Variants in GNPDA2 observed in about 807,000 individuals in gnomAD.
The protein encoded by GNPDA2 is glcN6P deaminase 2.
GNPDA2 carries 24 observed loss-of-function variants against 27.0 expected under a neutral mutation model. That is an observed-to-expected ratio of 0.89 (90% CI 0.64 to 1.25). The LOEUF (loss-of-function observed/expected upper bound fraction) is 1.25, where lower values mean the gene tolerates loss of function less well. Among genes scored for constraint, GNPDA2 ranks in the 50% most tolerant of loss-of-function variants. GNPDA2 has a pLI of 0.00. For missense variants in GNPDA2, 286 were observed against 335.1 expected (o/e 0.85, Z 1.14); for synonymous variants, 94 against 108.4 (o/e 0.87, Z 0.83).
intron 6 of GNPDA2, chr4:44,704,002 T>C: frequency 4.8e-5 from 47 of 985,130 alleles, no homozygotes; most frequent in Non-Finnish European, 5.7e-5. Context: ...TTGCAGGAAA[T>C]GGGATTACTG....
chr4:44,702,453 A>G lies in GNPDA2; in HGVS notation c.*628T>C, dbSNP rs1560354722. On this transcript the variant is annotated 3_prime_UTR_variant, in exon 7 of 7. Transcript: ENST00000295448. ...AATAAGATATTTGTAAAAAAGTGCT[A>G]TAGAAGAAGGTGCACAAAAAACATG... 3.1e-6 allele frequency: 3 copies of G among 977,052 alleles called. No individual in the cohort carries two copies. Among genetic ancestry groups the G allele is most frequent in the East Asian group, 2.3e-4 (2 of 8,768 alleles). 60.5% of individuals were successfully genotyped at this position (977,052 alleles called of 1,614,324 possible).
chr4:44,704,635 C>T (rs1474486846), intron 6 of GNPDA2: 1 of 861,704 alleles, frequency 1.2e-6, no homozygotes, highest in Non-Finnish European at 1.4e-6. Context: ...TGACAACTTT[C>T]TACATACGAA....
At chr4:44,706,328 G>A (rs1181318527) in intron 6 of GNPDA2, 1 of 151,770 alleles carries the variant, frequency 6.6e-6, no homozygotes, top group Non-Finnish European at 1.5e-5. Flanking sequence ...ATAAGGAAAT[G>A]TTTAAATAAA....
intron 6 of GNPDA2, chr4:44,703,825 T>A: frequency 1.0e-6 from 1 of 985,220 alleles, no homozygotes. Context: ...TTCCAGTTAC[T>A]CCTGTTTTAA....
intron 6 of GNPDA2, chr4:44,706,222 C>T (rs868007599): frequency 6.6e-6 from 1 of 151,734 alleles, no homozygotes; most frequent in South Asian, 2.1e-4. Flanking sequence ...AGAAATTTTT[C>T]AGTTTTTCAG....
rs1438281145 is a variant in GNPDA2, at chr4:44,717,286, C to A, written c.236G>T (p.Arg79Ile). ...AGAATGGTAGCTTTCAGGATGATTT[C>A]TTGGAAGTCCTAAAGATGAAGTTAA... ...FNMDEYVGLPRNHPESYHSYM... is the reference protein window; with the variant it reads ...FNMDEYVGLPINHPESYHSYM... Residue 79 changes from arginine (R) to isoleucine (I), a missense_variant, in exon 4 of 7, where the codon AGA becomes ATA. Coordinates refer to ENST00000295448, the MANE Select transcript of GNPDA2 (RefSeq NM_138335.3). 2.7e-6 allele frequency: 4 copies of A among 1,468,980 alleles called. No homozygotes were observed. The highest frequency in any genetic ancestry group is 3.7e-6 in the Non-Finnish European group (4 of 1,085,800). 91.0% of individuals were successfully genotyped at this position (1,468,980 alleles called of 1,614,324 possible).
chr4:44,704,189 G>T (rs1716444961), intron 6 of GNPDA2: 1 of 984,586 alleles, frequency 1.0e-6, no homozygotes, highest in Admixed American at 6.2e-5. Flanking sequence ...CTCTAAAGGA[G>T]GGAAGGGGGA....
chr4:44,708,329 A>G (rs1547525), intron 5 of GNPDA2, among the ~76,000 whole-genome samples: 79,935 of 151,962 alleles, frequency 0.53, 22,448 homozygotes, highest in Non-Finnish European at 0.64. Context: ...TAGATAAGCA[A>G]AAGATACTAT....
chr4:44,716,934 G>A (rs1424530503), intron 4 of GNPDA2, among the ~76,000 whole-genome samples, 179 bp downstream of exon 4: 2 of 151,718 alleles, frequency 1.3e-5, no homozygotes, highest in African/African-American at 4.8e-5. Flanking sequence ...GATTAAGACG[G>A]GAATTTTAAG....
chr4:44,701,852 TA>T lies in GNPDA2; in HGVS notation c.*1228del. 1.0e-6 allele frequency: 1 copy of T among 983,542 alleles called. No individual in the cohort carries two copies. The allele number at this position is 983,542 out of a possible 1,614,324, so 60.9% of individuals were successfully genotyped here. ...TTACCCCATCCCCCACTTTTAACCA[TA>T]AAACCCTATTACCAATTTTATTTCA... On this transcript the variant is annotated 3_prime_UTR_variant, in exon 7 of 7. Coordinates refer to ENST00000295448, the MANE Select transcript of GNPDA2 (RefSeq NM_138335.3).
Position 44,722,161 on chromosome 4 carries a change from G to T in GNPDA2, c.47C>A (p.Ala16Glu). Residue 16 changes from alanine to glutamate, a missense_variant, in exon 2 of 7, where the codon GCA (alanine) becomes GAA (glutamate). By Grantham distance (107) the Ala-to-Glu change is moderately radical. Coordinates refer to ENST00000295448, the MANE Select transcript of GNPDA2 (RefSeq NM_138335.3). ...LDNYDLASEW[A>E]AKYICNRIIQ... ...GATGCGATTACAGATGTATTTGGCT[G>T]CCCATTCACTAGCCAAGTCATAGTT... The T allele has an allele frequency of 6.2e-7, 1 of 1,612,194 alleles. No homozygotes were observed. The highest frequency in any genetic ancestry group is 8.5e-7 in the Non-Finnish European group (1 of 1,178,368).
chr4:44,704,677 C>A, intron 6 of GNPDA2: 2 of 945,466 alleles, frequency 2.1e-6, no homozygotes, highest in Non-Finnish European at 2.5e-6. Context: ...CTACTTAAGT[C>A]AAACAGAAAT....
rs1716713798 is a variant in GNPDA2 at position 44,707,938 on chromosome 4, T to C, written c.595-12A>G. 6.5e-7 allele frequency: 1 copy of C among 1,548,568 alleles called. No homozygotes were observed. The highest frequency in any genetic ancestry group is 8.8e-7 in the Non-Finnish European group (1 of 1,140,650). ...ATAAGGATCATTACCTGAAAAATTA[T>C]GAACATCAATTGTTAAAACTTGTTC... On this transcript the variant is annotated splice_polypyrimidine_tract_variant and intron_variant, in intron 5 of 6. Transcript: ENST00000295448.
chr4:44,703,630 G>A, intron 6 of GNPDA2: 1 of 983,250 alleles, frequency 1.0e-6, no homozygotes, highest in African/African-American at 1.7e-5. Flanking sequence ...GACAAAGGTT[G>A]ATTACAAATT....
At chr4:44,703,761 C>T in intron 6 of GNPDA2, 1 of 984,952 alleles carries the variant, frequency 1.0e-6, no homozygotes, top group South Asian at 4.7e-5. Context: ...GTAATTGGTA[C>T]ATATACTTGC....
chr4:44,702,258 C>T lies in GNPDA2; in HGVS notation c.*823G>A, dbSNP rs537003569. 5.4e-5 allele frequency: 33 copies of T among 607,542 alleles called. No homozygotes were observed. The East Asian group carries it at 7.0e-4, about 13-fold the overall frequency. The allele number at this position is 607,542 out of a possible 1,614,324, so 37.6% of individuals were successfully genotyped here. On this transcript the variant is annotated 3_prime_UTR_variant, in exon 7 of 7. Coordinates refer to ENST00000295448, the MANE Select transcript of GNPDA2 (RefSeq NM_138335.3). Reference sequence around the variant, plus strand: ...ACAGTAATTCCTTTTATATATACTTCGTATTATTCTTTTAGACATTTTATA... The same window carrying T: ...ACAGTAATTCCTTTTATATATACTTTGTATTATTCTTTTAGACATTTTATA...
Position 44,722,387 on chromosome 4 carries a change from G to A in GNPDA2, c.-35-145C>T, listed in dbSNP as rs1717729477. 4 of 585,010 alleles carry A rather than the reference G, an allele frequency of 6.8e-6. No individual in the cohort carries two copies. The South Asian group carries it at 8.1e-5, about 12-fold the overall frequency. 36.2% of individuals were successfully genotyped at this position (585,010 alleles called of 1,614,324 possible). A position where few individuals can be genotyped will look rare whatever the true frequency, so the allele number is the denominator to read the frequency against. ...AAAGTACATTACTGAAGAAGGACAT[G>A]CACATATACAATCTGAATTTAAAAA... On this transcript the variant is annotated intron_variant, in intron 1 of 6. Coordinates refer to ENST00000295448, the MANE Select transcript of GNPDA2 (RefSeq NM_138335.3).
chr4:44,705,051 C>G, intron 6 of GNPDA2: 1 of 983,072 alleles, frequency 1.0e-6, no homozygotes, highest in African/African-American at 1.7e-5. Context: ...CATTTACTGA[C>G]AATTTTTATT....
chr4:44,703,822 T>TA, intron 6 of GNPDA2: 1 of 985,272 alleles, frequency 1.0e-6, no homozygotes, highest in Non-Finnish European at 1.2e-6. Flanking sequence ...ATCTTCCAGT[T>TA]ACTCCTGTTT....
Sources: allele counts gnomAD v4.1 joint callset (sites outside exome capture counted in the v4.1 genomes callset), GRCh38; gene constraint gnomAD v4.1.1; transcripts MANE v1.5; gene names NCBI Gene and HGNC (gene_info 2026-07-23, HGNC 2026-07-21).